The following NSMF variants were observed in gnomAD, a reference collection of about 807,000 sequenced individuals.
NSMF encodes NMDA receptor synaptonuclear signaling and neuronal migration factor, also known as nasal embryonic LHRH factor.
NSMF carries 31 observed loss-of-function variants against 71.0 expected under a neutral mutation model. That is an observed-to-expected ratio of 0.44 (90% CI 0.33 to 0.59). The LOEUF is 0.59. NSMF is among the 20% of genes least tolerant of loss of function. The pLI, the probability that NSMF is intolerant of heterozygous loss-of-function variation, is 0.04. For missense variants in NSMF, 673 were observed against 740.5 expected (o/e 0.91, Z 1.06); for synonymous variants, 345 against 287.1 (o/e 1.20, Z -2.04).
At position 137,458,563 on chromosome 9, in the gene NSMF, G is replaced by A. The variant is rs1287779309; in HGVS notation, c.72-14C>T. The A allele has an allele frequency of 5.7e-6, 9 of 1,588,296 alleles. No homozygotes were observed. The African/African-American group carries it at 8.1e-5, about 14-fold the overall frequency. ...GCTCGGGCTGCTCTGAGGGTGGACAGAGGGCACGGTCAGAGGCCACGGCAC... is the reference window on the plus strand; with the variant it reads ...GCTCGGGCTGCTCTGAGGGTGGACAAAGGGCACGGTCAGAGGCCACGGCAC... On this transcript the variant is annotated splice_polypyrimidine_tract_variant and intron_variant, in intron 1 of 15. Transcript: ENST00000371475.
intron 6 of NSMF, 45 bp from the exon 7 acceptor site, chr9:137,454,488 C>G: frequency 1.9e-6 from 3 of 1,549,662 alleles, no homozygotes; most frequent in Non-Finnish European, 2.6e-6. Flanking sequence ...GAGAGGGTGA[C>G]GGCAGCCCCT....
chr9:137,458,902 G>A, intron 1 of NSMF, 130 bp downstream of exon 1: 1 of 702,396 alleles, frequency 1.4e-6, no homozygotes. Flanking sequence ...GAGGCGCGGG[G>A]CGCGGGGAGG....
Position 137,457,929 on chromosome 9 carries a change from T to G in NSMF, c.134-28A>C, listed in dbSNP as rs1278905453. Reference sequence around the variant, plus strand: ...AGGAGAGACACTGAGTGAGCCTGCCTGCCGCGTGTGGGCCCCCCGCTGCCG... The same window carrying G: ...AGGAGAGACACTGAGTGAGCCTGCCGGCCGCGTGTGGGCCCCCCGCTGCCG... On this transcript the variant is annotated intron_variant, in intron 2 of 15. Transcript: ENST00000371475. The G allele has an allele frequency of 7.8e-6, 12 of 1,537,362 alleles. No homozygotes were observed. In the South Asian group the frequency reaches 1.2e-4, roughly 15 times the overall value.
Position 137,456,211 on chromosome 9 carries a change from G to T in NSMF, c.704+200C>A, listed in dbSNP as rs57548677. 8.6e-3 allele frequency among the ~76,000 whole-genome samples: 1,305 copies of T among 152,190 alleles called. 14 individuals are homozygous for T. Among genetic ancestry groups the T allele is most frequent in the African/African-American group, 0.03 (1,257 of 41,490 alleles). On this transcript the variant is annotated intron_variant, in intron 4 of 15. Coordinates refer to ENST00000371475, the MANE Select transcript of NSMF (RefSeq NM_001130969.3). ...GGTCCCCTGACTGTGTGTGTGTGGG[G>T]GGGGGGGCTGGGCACCAGCCATGGG...
In NSMF at chr9:137,453,847, G is replaced by A. The variant is rs1197158560; in HGVS notation, c.833-27C>T. 3 of 1,554,942 alleles carry A rather than the reference G, an allele frequency of 1.9e-6. No individual in the cohort carries two copies. The South Asian group carries it at 3.5e-5, about 18-fold the overall frequency. On this transcript the variant is annotated intron_variant, in intron 7 of 15. Transcript: ENST00000371475. This position sits in a 1 kb window ranked among gnomAD's most constrained non-coding sequence, Gnocchi z 4.5. ...TGCAGAGAGCAAAACCCGCATTAGCGAGCGGGTGGGGCGGGGCCTCGGGAG... is the reference window on the plus strand; with the variant it reads ...TGCAGAGAGCAAAACCCGCATTAGCAAGCGGGTGGGGCGGGGCCTCGGGAG...
At chr9:137,456,089 G>C (rs999003993) in intron 4 of NSMF, among the ~76,000 whole-genome samples, 3 of 152,246 alleles carry the variant, frequency 2.0e-5, no homozygotes, top group East Asian at 1.9e-4. Flanking sequence ...TGGGGTTTGA[G>C]GGAGGGCAGA....
chr9:137,458,637 G>C, intron 1 of NSMF, 88 bp from the exon 2 acceptor site: 1 of 1,286,902 alleles, frequency 7.8e-7, no homozygotes, highest in Non-Finnish European at 1.1e-6. Flanking sequence ...CCGGTCCCCA[G>C]CCAGGCCCTC....
chr9:137,455,420 G>C, intron 5 of NSMF, 113 bp from the exon 6 acceptor site: 1 of 1,273,350 alleles, frequency 7.9e-7, no homozygotes, highest in Middle Eastern at 1.8e-4. Flanking sequence ...CACGGGGCCC[G>C]GCAGAGGAGT....
In NSMF at chr9:137,458,469, C is replaced by T; in HGVS notation, c.133+19G>A. ...CTGGGGGGTCTGGGCGGCCCTGGCA[C>T]GGCCTCGCGTGCCCCTACCTGCGCC... On this transcript the variant is annotated intron_variant, in intron 2 of 15. Transcript: ENST00000371475. 3 of 1,568,090 alleles carry T rather than the reference C, an allele frequency of 1.9e-6. No individual in the cohort carries two copies. Among genetic ancestry groups the T allele is most frequent in the East Asian group, 2.4e-5 (1 of 42,146 alleles).
At chr9:137,452,310 T>C (rs1320568557) in intron 12 of NSMF, 55 bp downstream of exon 12, 1 of 1,568,752 alleles carries the variant, frequency 6.4e-7, no homozygotes, top group Non-Finnish European at 8.8e-7. Context: ...CCCTTGGTCT[T>C]CCCCTGCCCC....
At chr9:137,455,386 G>A in intron 5 of NSMF, 79 bp from the exon 6 acceptor site, 1 of 1,526,186 alleles carries the variant, frequency 6.6e-7, no homozygotes, top group Non-Finnish European at 9.1e-7. Flanking sequence ...GGTGCGAGCA[G>A]AGGGCCCAGC....
At chr9:137,458,628 C>T in intron 1 of NSMF, 79 bp from the exon 2 acceptor site, 2 of 1,358,524 alleles carry the variant, frequency 1.5e-6, no homozygotes, top group South Asian at 1.2e-5. Context: ...GCCGGGGGTC[C>T]GGTCCCCAGC....
chr9:137,453,277 G>C lies in NSMF; in HGVS notation c.923-97C>G. ...CACAGGGCCCGAAAGCCCCATCCCGGAGGGTCCTCCAAGCAAGTGGGAGGA... is the reference window on the plus strand; with the variant it reads ...CACAGGGCCCGAAAGCCCCATCCCGCAGGGTCCTCCAAGCAAGTGGGAGGA... On this transcript the variant is annotated intron_variant, in intron 8 of 15. Coordinates refer to ENST00000371475, the MANE Select transcript of NSMF (RefSeq NM_001130969.3). This position sits in a 1 kb window ranked among gnomAD's most constrained non-coding sequence, Gnocchi z 4.5. 1 of 1,567,482 alleles carries C rather than the reference G, an allele frequency of 6.4e-7. No individual in the cohort carries two copies. Among genetic ancestry groups the C allele is most frequent in the Non-Finnish European group, 8.6e-7 (1 of 1,158,550 alleles).
Position 137,455,286 on chromosome 9 carries a change from C to G in NSMF, c.732G>C (p.Glu244Asp), listed in dbSNP as rs764598929. The change falls in exon 6 of 16, where the codon GAG (glutamate) becomes GAC (aspartate). Residue 244 changes from glutamate to aspartate, a missense_variant. Glu to Asp is a conservative substitution (Grantham distance 45). Around this residue, in one of 2 missense-constraint regions of NSMF, gnomAD observed 471 missense variants for 459.6 expected, o/e 1.02. Coordinates refer to ENST00000371475, the MANE Select transcript of NSMF (RefSeq NM_001130969.3). ...CATTCTCCCGTTTCCGGCGCTTCCT[C>G]TCCGCGTAGCCCCTGAACACCCTGG... Reference protein sequence around the residue: ...QAISVFRGYAERKRRKRENDS... With the variant: ...QAISVFRGYADRKRRKRENDS... 3.5e-5 allele frequency: 57 copies of G among 1,612,688 alleles called. No individual in the cohort carries two copies. Among genetic ancestry groups the G allele is most frequent in the Non-Finnish European group, 4.5e-5 (53 of 1,179,932 alleles).
At position 137,457,419 on chromosome 9, in the gene NSMF, CAACGCTGTACATCCTCTCCAGCTT is replaced by C; in HGVS notation, c.592_615del (p.Lys198_Val205del). Reference sequence around the variant, plus strand: ...ACAAACCCCTCACCAGACACACGGTCAACGCTGTACATCCTCTCCAGCTTCTTGCGGCGACCGGAGGTCTCAGGC... The same window carrying C: ...ACAAACCCCTCACCAGACACACGGTCCTTGCGGCGACCGGAGGTCTCAGGC... On this transcript the variant is annotated inframe_deletion, in exon 3 of 16. Coordinates refer to ENST00000371475, the MANE Select transcript of NSMF (RefSeq NM_001130969.3). 6.2e-7 allele frequency: 1 copy of C among 1,612,908 alleles called. No homozygotes were observed. Among genetic ancestry groups the C allele is most frequent in the Non-Finnish European group, 8.5e-7 (1 of 1,180,008 alleles).
At chr9:137,456,523 T>A in intron 3 of NSMF, 37 bp from the exon 4 acceptor site, 1 of 1,424,266 alleles carries the variant, frequency 7.0e-7, no homozygotes. Context: ...CTGGGTGAAG[T>A]AGGGGTTCCT....
chr9:137,455,419 C>CGGGAGAGGG, intron 5 of NSMF, 112 bp from the exon 6 acceptor site: 2 of 1,292,176 alleles, frequency 1.5e-6, no homozygotes, highest in Non-Finnish European at 2.2e-6. Flanking sequence ...GCACGGGGCC[C>CGGGAGAGGG]GGCAGAGGAG....
At chr9:137,455,908 G>A (rs1187686942) in intron 4 of NSMF, among the ~76,000 whole-genome samples, 1 of 152,230 alleles carries the variant, frequency 6.6e-6, no homozygotes, top group Non-Finnish European at 1.5e-5. Context: ...GACTCCCCCG[G>A]GCAGGACACT....
At chr9:137,458,197 C>A (rs1012624875) in intron 2 of NSMF, among the ~76,000 whole-genome samples, 12 of 152,188 alleles carry the variant, frequency 7.9e-5, no homozygotes, top group African/African-American at 2.9e-4. Flanking sequence ...TGCCAACTTC[C>A]CCCTCCCCCC....
Sources: gnomAD v4.1 joint callset for allele counts (sites outside exome capture counted in the v4.1 genomes callset) on GRCh38, gnomAD v4.1.1 for gene constraint, gnomAD v4.1.1 regional missense constraint, Gnocchi (gnomAD v3.1) non-coding constraint, MANE v1.5 for transcripts, NCBI Gene and HGNC (gene_info 2026-07-23, HGNC 2026-07-21) for gene names.